Variants in ZNF641 observed in about 807,000 individuals in gnomAD.
The protein encoded by ZNF641 is zinc finger protein 641.
In ZNF641, 26 loss-of-function variants were observed where a neutral mutation model predicts 46.2. The ratio of observed to expected loss-of-function variants is 0.56; its 90% CI spans 0.41 to 0.78. The LOEUF is 0.78. Ranked by LOEUF, ZNF641 falls within the 30% of genes least tolerant of loss-of-function variation. The pLI is 0.00. For missense variants in ZNF641, 469 were observed against 517.8 expected, an observed-to-expected ratio of 0.91 and a Z score of 0.91; for synonymous variants, 163 against 187.9, an observed-to-expected ratio of 0.87 and a Z score of 1.09.
Position 48,344,728 on chromosome 12 carries a change from G to C in ZNF641, c.407-16C>G. On this transcript the variant is annotated splice_polypyrimidine_tract_variant and intron_variant, in intron 4 of 5. Transcript: ENST00000547026. ...ATTGGAAATCCTGCTCATGGGAAAG[G>C]AAAATAGAGCTGTCAATTAGTTCAA... is the stretch of plus-strand genomic sequence containing the variant. 6.7e-7 allele frequency: 1 copy of C among 1,485,890 alleles called. No individual in the cohort carries two copies. The highest frequency in any genetic ancestry group is 9.3e-7 in the Non-Finnish European group (1 of 1,072,532). 92.0% of individuals were successfully genotyped at this position (1,485,890 alleles called of 1,614,324 possible).
intron 2 of ZNF641, 85 bp from the exon 3 acceptor site, chr12:48,347,428 G>T: frequency 8.1e-7 from 1 of 1,231,510 alleles, no homozygotes; most frequent in Non-Finnish European, 1.1e-6. Context: ...AGAGGCTTAA[G>T]GGTCACAACT....
Position 48,343,460 on chromosome 12 carries a change from G to A in ZNF641, c.788C>T (p.Ser263Phe). 4 of 1,614,080 alleles carry A rather than the reference G, an allele frequency of 2.5e-6. No homozygotes were observed. The highest frequency in any genetic ancestry group is 3.4e-6 in the Non-Finnish European group (4 of 1,179,954). Residue 263 changes from serine to phenylalanine, a missense_variant, in exon 6 of 6, where the codon TCC becomes TTC. Physicochemically the swap from Ser to Phe is radical, Grantham distance 155 (BLOSUM62 -2). This residue lies in a region of ZNF641 where 346 missense variants were observed against 354.0 expected (regional missense o/e 0.98). Coordinates refer to ENST00000547026, the MANE Select transcript of ZNF641 (RefSeq NM_001172681.2). ...PQCGKQFVWG[S>F]HLARHQQTHT... Reference sequence around the variant, plus strand: ...TGTTTGTTGATGCCTGGCAAGGTGGGAACCCCATACAAACTGTTTCCCACA... The same window carrying A: ...TGTTTGTTGATGCCTGGCAAGGTGGAAACCCCATACAAACTGTTTCCCACA...
rs1487119822 is a variant in ZNF641 at position 48,341,511 on chromosome 12, T to C, written c.*1462A>G. On this transcript the variant is annotated 3_prime_UTR_variant, in exon 6 of 6. Coordinates refer to ENST00000547026, the MANE Select transcript of ZNF641 (RefSeq NM_001172681.2). ...GAAGGAAAACCAACCAGAAAGCTTA[T>C]TACCCTGCAGCAGCTGAAAAGCTAA... The C allele has an allele frequency of 4.0e-5, 39 of 985,334 alleles. No homozygotes were observed. Among genetic ancestry groups the C allele is most frequent in the Non-Finnish European group, 4.5e-5 (37 of 829,952 alleles). The allele number at this position is 985,334 out of a possible 1,614,324, so 61.0% of individuals were successfully genotyped here. A position where few individuals can be genotyped will look rare whatever the true frequency, so the allele number is the denominator to read the frequency against.
intron 5 of ZNF641, 90 bp downstream of exon 5, chr12:48,344,509 C>A: frequency 1.2e-6 from 1 of 823,648 alleles, no homozygotes; most frequent in Non-Finnish European, 2.0e-6. Context: ...CTCTGGAACT[C>A]TCTGAGGCAG....
Position 48,350,883 on chromosome 12 carries a change from G to A in ZNF641, c.-123C>T. The A allele has an allele frequency of 1.0e-6, 1 of 985,016 alleles. No homozygotes were observed. Among genetic ancestry groups the A allele is most frequent in the Non-Finnish European group, 1.2e-6 (1 of 829,712 alleles). The allele number at this position is 985,016 out of a possible 1,614,324, so 61.0% of individuals were successfully genotyped here. A position where few individuals can be genotyped will look rare whatever the true frequency, so the allele number is the denominator to read the frequency against. On this transcript the variant is annotated 5_prime_UTR_variant, in exon 1 of 6. Transcript: ENST00000547026. ...TTGCGTCTGGGAGCCGGCGGCCGGC[G>A]GAGCCAGCGACAGGCGGAGACGGCG...
chr12:48,349,397 A>G (rs758295877), intron 1 of ZNF641, among the ~76,000 whole-genome samples: 9 of 152,218 alleles, frequency 5.9e-5, no homozygotes, highest in Non-Finnish European at 1.2e-4. Flanking sequence ...AAACAGTCAG[A>G]GTCAGTGAAA....
At chr12:48,349,074 C>T (rs761998092) in intron 1 of ZNF641, among the ~76,000 whole-genome samples, 7 of 152,214 alleles carry the variant, frequency 4.6e-5, no homozygotes, top group African/African-American at 7.2e-5. Flanking sequence ...GTAGTTTTCT[C>T]TGTCTGGAGA....
At chr12:48,350,498 T>C (rs1309185549) in intron 1 of ZNF641, 6 of 184,714 alleles carry the variant, frequency 3.2e-5, no homozygotes, top group Non-Finnish European at 7.0e-5. Flanking sequence ...AGGTTTCCCA[T>C]GAGCTGGGGC....
In ZNF641 at chr12:48,340,178, G is replaced by A. The variant is rs1003986532; in HGVS notation, c.*2795C>T. The A allele has an allele frequency of 3.9e-5, 38 of 985,288 alleles. No homozygotes were observed. Among genetic ancestry groups the A allele is most frequent in the Middle Eastern group, 5.2e-4 (1 of 1,938 alleles). The allele number at this position is 985,288 out of a possible 1,614,324, so 61.0% of individuals were successfully genotyped here. On this transcript the variant is annotated 3_prime_UTR_variant, in exon 6 of 6. Coordinates refer to ENST00000547026, the MANE Select transcript of ZNF641 (RefSeq NM_001172681.2). ...TGTCCAAGAGAGGTGGTGTTGGACC[G>A]AGGTAGAGAAGACAGTGGTACACCA...
chr12:48,342,776 C>G lies in ZNF641; in HGVS notation c.*197G>C. ...TGCATTGCTTCCCAAAAGTTTTGCC[C>G]AAAGAACTCTATTTTTATGTGCTAT... On this transcript the variant is annotated 3_prime_UTR_variant, in exon 6 of 6. Coordinates refer to ENST00000547026, the MANE Select transcript of ZNF641 (RefSeq NM_001172681.2). 1 of 1,409,592 alleles carries G rather than the reference C, an allele frequency of 7.1e-7. No individual in the cohort carries two copies. 87.3% of individuals were successfully genotyped at this position (1,409,592 alleles called of 1,614,324 possible).
rs1432821022 is a variant in ZNF641 at position 48,340,427 on chromosome 12, C to T, written c.*2546G>A. Reference sequence around the variant, plus strand: ...TCCTTCAAACAAGATTTGTGAGGAGCTGGATTTGTCAGCATGTCAGATCTT... The same window carrying T: ...TCCTTCAAACAAGATTTGTGAGGAGTTGGATTTGTCAGCATGTCAGATCTT... On this transcript the variant is annotated 3_prime_UTR_variant, in exon 6 of 6. Coordinates refer to ENST00000547026, the MANE Select transcript of ZNF641 (RefSeq NM_001172681.2). 27 of 985,418 alleles carry T rather than the reference C, an allele frequency of 2.7e-5. No individual in the cohort carries two copies. Among genetic ancestry groups the T allele is most frequent in the Non-Finnish European group, 3.3e-5 (27 of 829,930 alleles). 61.0% of individuals were successfully genotyped at this position (985,418 alleles called of 1,614,324 possible). A position where few individuals can be genotyped will look rare whatever the true frequency, so the allele number is the denominator to read the frequency against.
intron 3 of ZNF641, 66 bp downstream of exon 3, chr12:48,347,186 A>G (rs1459535212): frequency 6.2e-7 from 1 of 1,612,064 alleles, no homozygotes; most frequent in African/African-American, 1.3e-5. Context: ...CAATGGGCTG[A>G]TGCGAAAGCA....
Position 48,340,696 on chromosome 12 carries a change from G to T in ZNF641, c.*2277C>A. On this transcript the variant is annotated 3_prime_UTR_variant, in exon 6 of 6. Transcript: ENST00000547026. ...GCTAAATGTGTATGGAAAACTGAGT[G>T]AATTACAAATGTCTTTTTCTCAAAA... 2.0e-6 allele frequency: 2 copies of T among 985,440 alleles called. No homozygotes were observed. Among genetic ancestry groups the T allele is most frequent in the Non-Finnish European group, 2.4e-6 (2 of 829,930 alleles). The allele number at this position is 985,440 out of a possible 1,614,324, so 61.0% of individuals were successfully genotyped here.
chr12:48,347,974 T>C lies in ZNF641; in HGVS notation c.117A>G (p.Thr39=), dbSNP rs2136187901. The C allele has an allele frequency of 6.2e-7, 1 of 1,614,252 alleles. No individual in the cohort carries two copies. Among genetic ancestry groups the C allele is most frequent in the East Asian group, 2.2e-5 (1 of 44,884 alleles). ...ACAGGTGCTCCAGAGGTCCTGGTAC[T>C]GTTCTCCATGGCCGCTCTTCCTGGC... ...RGSQEERPWR[T]VPGPLEHLCC... Residue 39 remains threonine, a synonymous_variant, in exon 2 of 6, where the codon ACA becomes ACG. Coordinates refer to ENST00000547026, the MANE Select transcript of ZNF641 (RefSeq NM_001172681.2).
intron 2 of ZNF641, 70 bp from the exon 3 acceptor site, chr12:48,347,413 TTTA>T: frequency 6.5e-6 from 9 of 1,391,472 alleles, no homozygotes; most frequent in Non-Finnish European, 8.7e-6. Context: ...TGGGCCCCAT[TTTA>T]GAGAGGCTTA....
intron 3 of ZNF641, 95 bp downstream of exon 3, chr12:48,347,157 A>G: frequency 6.3e-7 from 1 of 1,599,540 alleles, no homozygotes. Flanking sequence ...ACCATTGATG[A>G]TCATGTGAGC....
At chr12:48,335,239 C>A (rs1487763764), downstream of ZNF641, among the ~76,000 whole-genome samples, 1 of 152,170 alleles carries the variant, frequency 6.6e-6, no homozygotes, top group African/African-American at 2.4e-5. Context: ...TTTTCTGTTG[C>A]TTAGTAAATT....
At chr12:48,345,726 G>A (rs890540090) in intron 3 of ZNF641, among the ~76,000 whole-genome samples, 2 of 152,162 alleles carry the variant, frequency 1.3e-5, no homozygotes, top group African/African-American at 4.8e-5. Context: ...AGAAGCTGGA[G>A]GCACCATAAA....
rs1423574264 is a variant in ZNF641 at position 48,338,981 on chromosome 12, G to GT, written c.*3991dup. 3 of 152,214 alleles carry GT rather than the reference G, an allele frequency of 2.0e-5. No homozygotes were observed. Among genetic ancestry groups the GT allele is most frequent in the African/African-American group, 7.2e-5 (3 of 41,456 alleles). The allele number at this position is 152,214 out of a possible 1,614,324, so 9.4% of individuals were successfully genotyped here. On this transcript the variant is annotated 3_prime_UTR_variant, in exon 6 of 6. Transcript: ENST00000547026. ...AGGAGAATCATTTCCTCGGATGTCA[G>GT]TTTTTCAGTTTTACATTGGATTTTC...
Sources: allele counts gnomAD v4.1 joint callset (sites outside exome capture counted in the v4.1 genomes callset), GRCh38; gene constraint gnomAD v4.1.1; regional missense constraint gnomAD v4.1.1; transcripts MANE v1.5; gene names NCBI Gene and HGNC (gene_info 2026-07-23, HGNC 2026-07-21).